Variants in SMAP1 observed in about 807,000 individuals in gnomAD.
The protein encoded by SMAP1 is stromal membrane-associated protein 1.
Under a neutral mutation model 58.5 loss-of-function variants are expected in SMAP1, and 24 were observed. That is an observed-to-expected ratio of 0.41 (90% CI 0.30 to 0.58). The LOEUF is 0.58. Ranked by LOEUF, SMAP1 falls within the 20% of genes least tolerant of loss-of-function variation. The pLI is 0.29. For missense variants in SMAP1, 563 were observed against 566.3 expected, an observed-to-expected ratio of 0.99 and a Z score of 0.06; for synonymous variants, 216 against 196.6, an observed-to-expected ratio of 1.10 and a Z score of -0.82.
intron 1 of SMAP1, among the ~76,000 whole-genome samples, chr6:70,709,151 C>T (rs1254551694): frequency 6.6e-6 from 1 of 151,926 alleles, no homozygotes; most frequent in Non-Finnish European, 1.5e-5. Flanking sequence ...TTAGTTTTCC[C>T]AACCCCATTT....
intron 1 of SMAP1, chr6:70,668,513 T>C: frequency 6.7e-7 from 1 of 1,497,644 alleles, no homozygotes; most frequent in Non-Finnish European, 8.8e-7. Flanking sequence ...GTTGCCCTCC[T>C]AGCTCTGCTC....
chr6:70,818,624 T>C (rs554535108), intron 6 of SMAP1, among the ~76,000 whole-genome samples: 1 of 152,288 alleles, frequency 6.6e-6, no homozygotes, highest in African/African-American at 2.4e-5. Context: ...TTCCTGGCTT[T>C]CTATCCCTCT....
rs753925599 is a variant in SMAP1 at position 70,852,580 on chromosome 6, G to A, written c.705G>A (p.Thr235=). The change falls in exon 8 of 11, where the codon ACG becomes ACA. Residue 235 remains threonine (T), a synonymous_variant. Transcript: ENST00000370455. ...AVAPVTNGNT[T]VPPLNDDLDI... ...CACCAGTGACCAACGGGAACACAAC[G>A]GTGCCACCCCTGAACGATGATCTGG... 4.4e-6 allele frequency: 7 copies of A among 1,608,784 alleles called. No homozygotes were observed. The East Asian group carries it at 9.0e-5, about 21-fold the overall frequency.
At chr6:70,668,709 C>A in intron 1 of SMAP1, 1 of 1,535,992 alleles carries the variant, frequency 6.5e-7, no homozygotes, top group South Asian at 1.2e-5. Context: ...GTATGGTGGT[C>A]TTTTTCGGTG....
intron 6 of SMAP1, among the ~76,000 whole-genome samples, chr6:70,820,097 T>C (rs997345730): frequency 5.9e-5 from 9 of 152,190 alleles, no homozygotes; most frequent in Non-Finnish European, 1.3e-4. Context: ...TTTGGAGCTA[T>C]AGGGATGTGA....
At chr6:70,772,919 G>A (rs916699152) in intron 3 of SMAP1, 1 of 157,042 alleles carries the variant, frequency 6.4e-6, no homozygotes. Context: ...TTCGTGGGGT[G>A]TGGGAGGAAT....
intron 8 of SMAP1, among the ~76,000 whole-genome samples, chr6:70,855,822 G>A (rs1771394309): frequency 6.6e-6 from 1 of 152,122 alleles, no homozygotes; most frequent in African/African-American, 2.4e-5. Flanking sequence ...TTATTCAGGG[G>A]TATTGTGATA....
At chr6:70,821,530 G>A (rs1490798899) in intron 6 of SMAP1, among the ~76,000 whole-genome samples, 1 of 152,042 alleles carries the variant, frequency 6.6e-6, no homozygotes, top group Non-Finnish European at 1.5e-5. Flanking sequence ...GCAGTTGAGA[G>A]GTTATCTTTA....
intron 1 of SMAP1, chr6:70,668,720 G>A: frequency 3.3e-6 from 5 of 1,536,026 alleles, no homozygotes; most frequent in Non-Finnish European, 4.4e-6. Flanking sequence ...TTTTTCGGTG[G>A]GTTTGAGTTT....
chr6:70,747,451 G>A (rs1330975370), intron 2 of SMAP1, among the ~76,000 whole-genome samples: 7 of 152,168 alleles, frequency 4.6e-5, no homozygotes, highest in Non-Finnish European at 8.8e-5. Context: ...GACTGGTTTG[G>A]TGCTGATCTT....
intron 4 of SMAP1, among the ~76,000 whole-genome samples, chr6:70,776,772 T>A (rs1767564746): frequency 6.6e-6 from 1 of 152,216 alleles, no homozygotes; most frequent in South Asian, 2.1e-4. Context: ...CTTATTTTAC[T>A]TAGCATAATG....
intron 1 of SMAP1, among the ~76,000 whole-genome samples, chr6:70,719,493 T>G (rs890006149): frequency 6.6e-6 from 1 of 152,194 alleles, no homozygotes; most frequent in African/African-American, 2.4e-5. Context: ...CTTTGTCCTT[T>G]ATATATGTGT....
intron 3 of SMAP1, among the ~76,000 whole-genome samples, chr6:70,764,171 C>CA (rs1231612672): frequency 6.6e-6 from 1 of 151,834 alleles, no homozygotes; most frequent in African/African-American, 2.4e-5. Context: ...CTTACCCTCT[C>CA]AAAGTGCTAG....
At chr6:70,801,878 C>G (rs920104726) in intron 6 of SMAP1, among the ~76,000 whole-genome samples, 4 of 152,208 alleles carry the variant, frequency 2.6e-5, no homozygotes, top group Non-Finnish European at 4.4e-5. Context: ...GTCTATCTCT[C>G]TGTTTTGGTA....
chr6:70,791,674 A>G lies in SMAP1; in HGVS notation c.415-15A>G. ...TTTGTTTTTTTCCTCCTGACTTTTCACCTGTACTCCACAGATTTCCTCCTC... is the reference window on the plus strand; with the variant it reads ...TTTGTTTTTTTCCTCCTGACTTTTCGCCTGTACTCCACAGATTTCCTCCTC... On this transcript the variant is annotated splice_polypyrimidine_tract_variant and intron_variant, in intron 4 of 10. Coordinates refer to ENST00000370455, the MANE Select transcript of SMAP1 (RefSeq NM_001044305.3). The G allele has an allele frequency of 6.2e-7, 1 of 1,605,632 alleles. No individual in the cohort carries two copies. The highest frequency in any genetic ancestry group is 8.5e-7 in the Non-Finnish European group (1 of 1,175,670).
At chr6:70,775,369 A>G (rs1767505616) in intron 4 of SMAP1, among the ~76,000 whole-genome samples, 1 of 152,168 alleles carries the variant, frequency 6.6e-6, no homozygotes, top group Admixed American at 6.5e-5. Flanking sequence ...AATTATTTTT[A>G]CATAGTAATG....
At chr6:70,706,225 A>G (rs779571877) in intron 1 of SMAP1, among the ~76,000 whole-genome samples, 4 of 152,152 alleles carry the variant, frequency 2.6e-5, no homozygotes, top group South Asian at 2.1e-4. Context: ...AACATTTATT[A>G]TTGGGGTTTA....
At chr6:70,738,155 C>G (rs771293223) in intron 2 of SMAP1, among the ~76,000 whole-genome samples, 5 of 152,150 alleles carry the variant, frequency 3.3e-5, no homozygotes, top group Non-Finnish European at 5.9e-5. Flanking sequence ...TTAGATGACT[C>G]TGAAGTTTCT....
chr6:70,709,591 G>A (rs1421724952), intron 1 of SMAP1, among the ~76,000 whole-genome samples: 1 of 151,946 alleles, frequency 6.6e-6, no homozygotes, highest in Non-Finnish European at 1.5e-5. Flanking sequence ...CAAAGTGTTG[G>A]GATTATAGGT....
Sources: allele counts gnomAD v4.1 joint callset (sites outside exome capture counted in the v4.1 genomes callset), GRCh38; gene constraint gnomAD v4.1.1; transcripts MANE v1.5; gene names NCBI Gene and HGNC (gene_info 2026-07-23, HGNC 2026-07-21).